The following TJP1 variants were observed in gnomAD, a reference collection of about 807,000 sequenced individuals.
TJP1 encodes the protein tight junction protein 1, also known as tight junction protein ZO-1.
A neutral mutation model predicts 194.2 loss-of-function variants in TJP1; 43 were observed. That is an observed-to-expected ratio of 0.22 (90% CI 0.17 to 0.29). TJP1 has a LOEUF of 0.29. TJP1 is among the 10% of genes least tolerant of loss of function. TJP1 has a pLI of 1.00. For missense variants in TJP1, 1,971 were observed against 2,185.7 expected (o/e 0.90, Z 1.96); for synonymous variants, 801 against 779.0 (o/e 1.03, Z -0.47).
At position 29,736,649 on chromosome 15, in the gene TJP1, G is replaced by A. The variant is rs2044052730; in HGVS notation, c.1407+615C>T. On this transcript the variant is annotated intron_variant, in intron 11 of 27. Coordinates refer to ENST00000614355, the MANE Select transcript of TJP1 (RefSeq NM_001330239.4). ...GTGAAACCGTTTATGGGGAAGGAAG[G>A]GAGGACTCTATAGACTCTACTGATA... is the stretch of plus-strand genomic sequence containing the variant. Among the ~76,000 whole-genome samples the A allele has an allele frequency of 2.0e-5, 3 of 152,258 alleles. No homozygotes were observed. The South Asian group carries it at 6.2e-4, about 32-fold the overall frequency.
At chr15:29,752,114 TTCC>T (rs1198634974) in intron 8 of TJP1, among the ~76,000 whole-genome samples, 4,854 of 149,010 alleles carry the variant, frequency 0.033, 270 homozygotes, top group African/African-American at 0.11. Flanking sequence ...TTTTTTTTTT[TTCC>T]CCCCAGACGG....
chr15:29,784,911 A>T (rs1157021432), intron 2 of TJP1, among the ~76,000 whole-genome samples: 1 of 152,192 alleles, frequency 6.6e-6, no homozygotes, highest in Non-Finnish European at 1.5e-5. Context: ...TGCAAAAAAA[A>T]ATTTTTACTG....
At chr15:29,932,365 T>C (rs1202971671) in intron 2 of TJP1, among the ~76,000 whole-genome samples, 1 of 152,186 alleles carries the variant, frequency 6.6e-6, no homozygotes, top group African/African-American at 2.4e-5. Flanking sequence ...AGACATGGTA[T>C]TATAGATCAG....
intron 2 of TJP1, among the ~76,000 whole-genome samples, chr15:29,880,882 T>G (rs1003243037): frequency 6.6e-6 from 1 of 152,248 alleles, no homozygotes; most frequent in Non-Finnish European, 1.5e-5. Flanking sequence ...TTGGCTATTA[T>G]GAATAATGCC....
At chr15:29,820,216 T>G (rs1009285233) in intron 1 of TJP1, among the ~76,000 whole-genome samples, 23 of 151,388 alleles carry the variant, frequency 1.5e-4, no homozygotes, top group Non-Finnish European at 2.6e-4. Flanking sequence ...ACGCATCATA[T>G]GTAAAGCACT....
In TJP1 at chr15:29,847,545, C is replaced by T. The variant is rs548010749; in HGVS notation, c.307-46843G>A. Among the ~76,000 whole-genome samples the T allele has an allele frequency of 1.1e-4, 17 of 152,074 alleles. 2 individuals carry two copies. In the South Asian group the frequency reaches 2.1e-3, roughly 19 times the overall value. Reference sequence around the variant, plus strand: ...TCACGCCTGTAATCCCAGCACTTTGCGAGGCTGAGGTGGGCGGATCACGAG... The same window carrying T: ...TCACGCCTGTAATCCCAGCACTTTGTGAGGCTGAGGTGGGCGGATCACGAG... On this transcript the variant is annotated intron_variant, in intron 2 of 28. Coordinates refer to the TJP1 transcript ENST00000356107.
chr15:29,864,752 C>T (rs775966678), intron 2 of TJP1, among the ~76,000 whole-genome samples: 3 of 152,130 alleles, frequency 2.0e-5, no homozygotes, highest in Admixed American at 2.0e-4. Flanking sequence ...ACTATCTCCA[C>T]CTTTCTTATC....
exon 2 of TJP1, chr15:29,956,304 G>A (rs1350110314): frequency 1.6e-6 from 2 of 1,289,056 alleles, no homozygotes; most frequent in East Asian, 1.1e-4. Context: ...GTCTTAAAGA[G>A]GGTTTTCCTT....
At position 29,716,698 on chromosome 15, in the gene TJP1, G is replaced by C; in HGVS notation, c.4115C>G (p.Pro1372Arg). ...GAGATGGCTGGCGGCAATGTGTGCA[G>C]GAGGCTTATTCTCAAAACTTCTTCG... ...FDRRSFENKP[P>R]AHIAASHLSE... The change falls in exon 23 of 28, where the codon CCT becomes CGT. Residue 1372 changes from proline (P) to arginine (R), a missense_variant. Pro to Arg is a moderately radical substitution (Grantham distance 103, BLOSUM62 -2). Transcript: ENST00000614355. The C allele has an allele frequency of 1.2e-6, 2 of 1,614,098 alleles. No individual in the cohort carries two copies. Among genetic ancestry groups the C allele is most frequent in the Non-Finnish European group, 1.7e-6 (2 of 1,180,034 alleles).
intron 2 of TJP1, among the ~76,000 whole-genome samples, chr15:29,858,611 A>G (rs373238704): frequency 1.5e-4 from 23 of 151,814 alleles, no homozygotes; most frequent in African/African-American, 5.6e-4. Flanking sequence ...TGCCACAATC[A>G]CAGCTCACTG....
chr15:29,781,965 G>C (rs2047393600), intron 2 of TJP1, among the ~76,000 whole-genome samples: 1 of 152,124 alleles, frequency 6.6e-6, no homozygotes, highest in Admixed American at 6.5e-5. Flanking sequence ...TGGAAGTCCT[G>C]GCCAGAGCAA....
intron 2 of TJP1, among the ~76,000 whole-genome samples, chr15:29,946,842 T>C (rs2055301507): frequency 6.6e-6 from 1 of 152,130 alleles, no homozygotes; most frequent in Non-Finnish European, 1.5e-5. Flanking sequence ...GGGGAAGCAA[T>C]ATGAACACAC....
intron 2 of TJP1, among the ~76,000 whole-genome samples, chr15:29,891,134 G>C (rs929468639): frequency 3.3e-5 from 5 of 152,110 alleles, no homozygotes; most frequent in Non-Finnish European, 4.4e-5. Context: ...GCAATACTCT[G>C]AAACCCTCCC....
chr15:29,930,090 TC>T (rs2054658678), intron 2 of TJP1, among the ~76,000 whole-genome samples: 1 of 152,016 alleles, frequency 6.6e-6, no homozygotes. Context: ...AAAAACCTAT[TC>T]CCTCAAAATA....
chr15:29,700,109 G>C, downstream of TJP1: 2 of 396,044 alleles, frequency 5.0e-6, no homozygotes, highest in Non-Finnish European at 8.9e-6. Context: ...TTATAAAGCT[G>C]CATGAAACTA....
At chr15:29,932,848 T>C (rs912089417) in intron 2 of TJP1, among the ~76,000 whole-genome samples, 5 of 152,184 alleles carry the variant, frequency 3.3e-5, no homozygotes, top group Admixed American at 2.6e-4. Flanking sequence ...AAAATATTCT[T>C]TTCCTTATTG....
At position 29,730,992 on chromosome 15, in the gene TJP1, T is replaced by A. The variant is rs1228181779; in HGVS notation, c.2017+1441A>T. On this transcript the variant is annotated intron_variant, in intron 15 of 27. Transcript: ENST00000614355. ...TGCTGGAGATGCCAAGTGAAGTGTG[T>A]GCATTTTTGATAACTGTGTATTTCT... 1.4e-5 allele frequency: 18 copies of A among 1,300,584 alleles called. No homozygotes were observed. The South Asian group carries it at 2.0e-4, about 14-fold the overall frequency. The allele number at this position is 1,300,584 out of a possible 1,614,324, so 80.6% of individuals were successfully genotyped here.
chr15:29,769,380 G>A (rs922235165), intron 4 of TJP1, among the ~76,000 whole-genome samples: 1 of 152,126 alleles, frequency 6.6e-6, no homozygotes, highest in African/African-American at 2.4e-5. Context: ...AGGACAAACT[G>A]GCAATACATA....
At chr15:29,887,093 A>C (rs1220449299) in intron 2 of TJP1, among the ~76,000 whole-genome samples, 1 of 152,046 alleles carries the variant, frequency 6.6e-6, no homozygotes, top group Non-Finnish European at 1.5e-5. Flanking sequence ...AGAAGATGCC[A>C]CAAATCCATC....
Sources: allele counts gnomAD v4.1 joint callset (sites outside exome capture counted in the v4.1 genomes callset), GRCh38; gene constraint gnomAD v4.1.1; transcripts MANE v1.5; gene names NCBI Gene and HGNC (gene_info 2026-07-23, HGNC 2026-07-21).